RPS6KC1: variants seen among roughly 807,000 people sequenced by gnomAD.
The protein encoded by RPS6KC1 is ribosomal protein S6 kinase C1, also known as inactive ribosomal protein S6 kinase delta-1.
In RPS6KC1, 54 loss-of-function variants were observed where a neutral mutation model predicts 103.8. That is an observed-to-expected ratio of 0.52 (90% CI 0.42 to 0.65). The LOEUF (loss-of-function observed/expected upper bound fraction) is 0.65. Ranked by LOEUF, RPS6KC1 falls within the 30% of genes least tolerant of loss-of-function variation. The probability of loss-of-function intolerance (pLI) is 0.00; values close to 1 mark genes in which losing one functional copy is unlikely to be tolerated. For missense variants in RPS6KC1, 1,151 were observed against 1,253.8 expected (o/e 0.92, Z 1.24); for synonymous variants, 439 against 438.7 (o/e 1.00, Z -0.01).
chr1:213,516,531 T>G, the RPS6KC1 span, among the ~76,000 whole-genome samples: 2 of 152,326 alleles, frequency 1.3e-5, no homozygotes, highest in South Asian at 4.1e-4. Flanking sequence ...CTGGATTACG[T>G]TTATTGATTT....
At chr1:213,843,190 C>T in the RPS6KC1 span, among the ~76,000 whole-genome samples, 1 of 152,160 alleles carries the variant, frequency 6.6e-6, no homozygotes. Flanking sequence ...GAGATCCGCC[C>T]ACATTTTTAA....
the RPS6KC1 span, among the ~76,000 whole-genome samples, chr1:213,781,154 T>G: frequency 6.6e-6 from 1 of 152,224 alleles, no homozygotes; most frequent in Non-Finnish European, 1.5e-5. Flanking sequence ...GCGCTAACTG[T>G]TCCTATCACA....
At chr1:213,175,726 T>A (rs936718644) in intron 7 of RPS6KC1, among the ~76,000 whole-genome samples, 1 of 152,204 alleles carries the variant, frequency 6.6e-6, no homozygotes, top group African/African-American at 2.4e-5. Context: ...GTTTTCCACA[T>A]CACAGATATT....
the RPS6KC1 span, among the ~76,000 whole-genome samples, chr1:213,648,447 C>T: frequency 4.7e-4 from 72 of 152,250 alleles, 1 homozygote; most frequent in African/African-American, 1.5e-3. Context: ...TATAATCATC[C>T]AGGTGATGAC....
At chr1:213,694,189 C>T in the RPS6KC1 span, among the ~76,000 whole-genome samples, 6 of 152,188 alleles carry the variant, frequency 3.9e-5, no homozygotes, top group East Asian at 1.2e-3. Context: ...GCCTCTGCTC[C>T]CACTGACTTT....
chr1:213,198,989 A>G (rs900528828), intron 8 of RPS6KC1, among the ~76,000 whole-genome samples: 8 of 152,060 alleles, frequency 5.3e-5, no homozygotes, highest in Non-Finnish European at 2.9e-5. Flanking sequence ...TGAGGCTGTA[A>G]TAAATAGCCT....
chr1:213,532,145 A>G, the RPS6KC1 span, among the ~76,000 whole-genome samples: 1 of 152,132 alleles, frequency 6.6e-6, no homozygotes, highest in South Asian at 2.1e-4. Context: ...ATCAAAACAC[A>G]TTGTTGCCTG....
the RPS6KC1 span, among the ~76,000 whole-genome samples, chr1:213,356,277 A>G: frequency 0.065 from 9,880 of 152,284 alleles, 353 homozygotes; most frequent in Middle Eastern, 0.092. Flanking sequence ...TCTTGTTAAC[A>G]TGGACTGATT....
chr1:213,147,297 A>G (rs1031652690), intron 6 of RPS6KC1, among the ~76,000 whole-genome samples: 28 of 152,226 alleles, frequency 1.8e-4, no homozygotes, highest in Middle Eastern at 3.4e-3. Context: ...ATTTTCCCCA[A>G]TGTTTTGTTG....
At chr1:213,072,921 G>A in intron 2 of RPS6KC1, 7 of 982,266 alleles carry the variant, frequency 7.1e-6, no homozygotes, top group Non-Finnish European at 8.5e-6. Context: ...CATTTTCTTA[G>A]TCCTTTTTTC....
the RPS6KC1 span, among the ~76,000 whole-genome samples, chr1:213,510,860 G>A: frequency 1.3e-5 from 2 of 152,072 alleles, no homozygotes; most frequent in African/African-American, 4.8e-5. Flanking sequence ...TTACTTCTGT[G>A]ACTACTTTGG....
chr1:213,708,648 T>C, the RPS6KC1 span, among the ~76,000 whole-genome samples: 1 of 152,180 alleles, frequency 6.6e-6, no homozygotes, highest in Non-Finnish European at 1.5e-5. Context: ...ACAGAATGCT[T>C]CCAGTTTTTG....
chr1:213,180,010 A>G (rs1194062805), intron 8 of RPS6KC1, among the ~76,000 whole-genome samples: 1 of 152,270 alleles, frequency 6.6e-6, no homozygotes, highest in African/African-American at 2.4e-5. Context: ...CCAGAGGGAT[A>G]GTAATTCCAT....
At chr1:213,522,165 A>C in the RPS6KC1 span, among the ~76,000 whole-genome samples, 1 of 152,258 alleles carries the variant, frequency 6.6e-6, no homozygotes, top group Non-Finnish European at 1.5e-5. Context: ...AGCAGACATG[A>C]AAACAACATT....
At chr1:213,717,710 T>C in the RPS6KC1 span, among the ~76,000 whole-genome samples, 1 of 152,208 alleles carries the variant, frequency 6.6e-6, no homozygotes, top group African/African-American at 2.4e-5. Flanking sequence ...CTGCATGGTA[T>C]TTTCTGACAG....
chr1:213,618,775 A>C, the RPS6KC1 span, among the ~76,000 whole-genome samples: 10 of 152,352 alleles, frequency 6.6e-5, no homozygotes, highest in Middle Eastern at 3.4e-3. Context: ...GGGAAAATGC[A>C]TGAAGTGGCT....
At chr1:213,278,629 T>C (rs1386096615), downstream of RPS6KC1, among the ~76,000 whole-genome samples, 1 of 152,168 alleles carries the variant, frequency 6.6e-6, no homozygotes, top group Non-Finnish European at 1.5e-5. Flanking sequence ...TCATCCCCTC[T>C]TCATCCACCC....
At chr1:213,372,196 G>T in the RPS6KC1 span, among the ~76,000 whole-genome samples, 1 of 152,222 alleles carries the variant, frequency 6.6e-6, no homozygotes, top group East Asian at 1.9e-4. Context: ...GTGCAGGTGG[G>T]TGCTGCTGAG....
At chr1:213,472,806 G>C in the RPS6KC1 span, among the ~76,000 whole-genome samples, 1 of 152,206 alleles carries the variant, frequency 6.6e-6, no homozygotes, top group Non-Finnish European at 1.5e-5. Flanking sequence ...TTATAAGTAA[G>C]TATAAAGGAC....
Sources: gnomAD v4.1 joint callset for allele counts (sites outside exome capture counted in the v4.1 genomes callset) on GRCh38, gnomAD v4.1.1 for gene constraint, MANE v1.5 for transcripts, NCBI Gene and HGNC (gene_info 2026-07-23, HGNC 2026-07-21) for gene names.